DMRTC1: variants seen among roughly 807,000 people sequenced by gnomAD.
The protein encoded by DMRTC1 is DMRT like family C1, also known as doublesex- and mab-3-related transcription factor C1.
For missense variants in DMRTC1, 9 were observed against 34.6 expected, an observed-to-expected ratio of 0.26 and a Z score of 1.86; for synonymous variants, 7 against 14.1, an observed-to-expected ratio of 0.50 and a Z score of 1.13.
intron 1 of DMRTC1, among the ~76,000 whole-genome samples, chrX:72,916,260 G>A (rs1383950100): frequency 2.8e-5 from 3 of 108,836 alleles, no homozygotes; most frequent in Non-Finnish European, 5.6e-5. Context: ...AGGTTGCATC[G>A]CCAGCACAAG....
At chrX:72,887,212 G>A (rs1227915968) in intron 1 of DMRTC1, among the ~76,000 whole-genome samples, 2 of 31,859 alleles carry the variant, frequency 6.3e-5, no homozygotes, top group East Asian at 1.8e-3. Flanking sequence ...ACAGGCCCCA[G>A]TGTGTGATGT....
intron 1 of DMRTC1, among the ~76,000 whole-genome samples, chrX:72,911,710 C>T (rs1381726672): frequency 1.8e-5 from 2 of 114,233 alleles, no homozygotes; most frequent in East Asian, 2.7e-4. Context: ...GGTTAGCAAA[C>T]GGGGGGCATA....
rs1463517873 is a variant in DMRTC1 at position 72,913,495 on chromosome X, A to G, written c.-95+30080T>C. 1,064 of 418,735 alleles carry G rather than the reference A, an allele frequency of 2.5e-3. 1 individual carries two copies. The highest frequency in any genetic ancestry group is 0.02 in the East Asian group (502 of 25,096). 34.5% of individuals were successfully genotyped at this position (418,735 alleles called of 1,213,427 possible). A position where few individuals can be genotyped will look rare whatever the true frequency, so the allele number is the denominator to read the frequency against. On this transcript the variant is annotated intron_variant, in intron 1 of 6. Transcript: ENST00000615063. ...GGTGGGGTTGTGAAGGGAGAGAGCT[A>G]GCATCTTCCTTAGCCCTGTTAGGCT...
At chrX:72,887,006 G>A (rs1365444457) in intron 1 of DMRTC1, among the ~76,000 whole-genome samples, 1 of 88,525 alleles carries the variant, frequency 1.1e-5, no homozygotes, top group African/African-American at 4.5e-5. Context: ...TACTGTAAAT[G>A]GGGTTGCCCT....
chrX:72,916,018 AC>A (rs1556356130), intron 1 of DMRTC1, among the ~76,000 whole-genome samples: 1 of 91,036 alleles, frequency 1.1e-5, no homozygotes, highest in Non-Finnish European at 2.1e-5. Context: ...TGAACAGAAG[AC>A]CATTGGACTG....
chrX:72,905,535 G>A (rs1405234446), intron 1 of DMRTC1, among the ~76,000 whole-genome samples: 3 of 31,822 alleles, frequency 9.4e-5, no homozygotes, highest in Non-Finnish European at 1.7e-4. Flanking sequence ...CTGAGACGGA[G>A]TCTCGCTCTG....
At chrX:72,879,781 CTT>C (rs1320161615) in intron 1 of DMRTC1, among the ~76,000 whole-genome samples, 14 of 112,445 alleles carry the variant, frequency 1.2e-4, no homozygotes, top group Admixed American at 5.6e-4. Context: ...TTCTCTCTCT[CTT>C]TCTCTTTCTC....
chrX:72,900,337 C>A (rs1403411097), intron 1 of DMRTC1, among the ~76,000 whole-genome samples: 676 of 786 alleles, frequency 0.86, 277 homozygotes, highest in Non-Finnish European at 1. Context: ...AATAACCTTA[C>A]CCTCCGCATT....
chrX:72,872,686 C>T (rs2054776554), intron 6 of DMRTC1, 122 bp from the exon 7 acceptor site: 4 of 729,188 alleles, frequency 5.5e-6, no homozygotes, highest in Non-Finnish European at 7.8e-6. Flanking sequence ...AGACCTCTTC[C>T]TCTCTGATTT....
At chrX:72,880,478 T>A (rs1341689611) in intron 1 of DMRTC1, among the ~76,000 whole-genome samples, 1 of 3,230 alleles carries the variant, frequency 3.1e-4, no homozygotes, top group Non-Finnish European at 9.4e-4. Flanking sequence ...AGAGCAGTGG[T>A]CCTAAAACAC....
intron 1 of DMRTC1, chrX:72,913,229 G>T: frequency 1.1e-6 from 1 of 905,171 alleles, no homozygotes. Flanking sequence ...GGGTCCACTT[G>T]TCACTCTGCT....
chrX:72,879,833 CCTT>C (rs2147886611), intron 1 of DMRTC1, among the ~76,000 whole-genome samples: 1 of 4,343 alleles, frequency 2.3e-4, no homozygotes, highest in African/African-American at 3.1e-4. Context: ...TCCCTCCCAC[CCTT>C]CCTTCCTTCC....
intron 1 of DMRTC1, among the ~76,000 whole-genome samples, chrX:72,939,610 AC>A (rs1296029498): frequency 2.5e-5 from 2 of 80,754 alleles, no homozygotes; most frequent in Non-Finnish European, 4.8e-5. Flanking sequence ...CAATGGAGAG[AC>A]GGCGGGCCTT....
At chrX:72,924,039 C>T (rs1292363151) in intron 1 of DMRTC1, among the ~76,000 whole-genome samples, 1 of 113,264 alleles carries the variant, frequency 8.8e-6, no homozygotes, top group Non-Finnish European at 1.9e-5. Context: ...CCAGGTCCCT[C>T]CCACAACACA....
intron 1 of DMRTC1, among the ~76,000 whole-genome samples, chrX:72,879,864 TGGG>T (rs2054839486): frequency 6.1e-5 from 4 of 65,066 alleles, no homozygotes; most frequent in African/African-American, 1.2e-4. Flanking sequence ...CTTCCTTCCT[TGGG>T]CTGCTTTCTT....
intron 4 of DMRTC1, among the ~76,000 whole-genome samples, chrX:72,874,379 G>A (rs1428330729): frequency 8.6e-4 from 19 of 22,189 alleles, no homozygotes; most frequent in Non-Finnish European, 2.2e-4. Flanking sequence ...TCGCCAGCAC[G>A]GACCCCACCT....
rs5902714 is a variant in DMRTC1, at chrX:72,876,865, C to CTTTT, written c.-94-1081_-94-1078dup. ...CATCCCTTCATGCATCCCCCCCGGC[C>CTTTT]TTTTTTTTTTTTTTTTTTTTTGAGA... On this transcript the variant is annotated intron_variant, in intron 1 of 6. Coordinates refer to ENST00000615063, the MANE Select transcript of DMRTC1 (RefSeq NM_033053.3). Among the ~76,000 whole-genome samples the CTTTT allele has an allele frequency of 9.2e-5, 3 of 32,627 alleles. 1 individual carries two copies. Among genetic ancestry groups the CTTTT allele is most frequent in the African/African-American group, 6.4e-4 (3 of 4,722 alleles). 28.3% of individuals were successfully genotyped at this position (32,627 alleles called of 115,157 possible).
intron 1 of DMRTC1, among the ~76,000 whole-genome samples, chrX:72,882,180 G>A (rs1471201411): frequency 1.3e-5 from 1 of 75,786 alleles, no homozygotes; most frequent in East Asian, 4.4e-4. Context: ...CTGCTTTTAT[G>A]GATGGGCATT....
Sources: allele counts gnomAD v4.1 joint callset (sites outside exome capture counted in the v4.1 genomes callset), GRCh38; gene constraint gnomAD v4.1.1; transcripts MANE v1.5; gene names NCBI Gene and HGNC (gene_info 2026-07-23, HGNC 2026-07-21).